Variants in CDH2 observed in about 807,000 individuals in gnomAD.
CDH2 encodes cadherin-2.
In CDH2, 17 loss-of-function variants were observed where a neutral mutation model predicts 92.0. That is an observed-to-expected ratio of 0.18 (90% CI 0.13 to 0.28). The LOEUF is 0.28. CDH2 is among the 10% of genes least tolerant of loss of function. The probability of loss-of-function intolerance (pLI) is 1.00; values close to 1 mark genes in which losing one functional copy is unlikely to be tolerated. For synonymous variants in CDH2, 419 were observed against 415.9 expected (o/e 1.01, Z -0.09); for missense variants, 862 against 1,133.1 (o/e 0.76, Z 3.44).
At chr18:28,063,426 T>C (rs2014443439) in intron 2 of CDH2, among the ~76,000 whole-genome samples, 1 of 152,198 alleles carries the variant, frequency 6.6e-6, no homozygotes, top group Admixed American at 6.5e-5. Flanking sequence ...TTTGAGGAAT[T>C]GTTCTGTGAA....
In CDH2 at chr18:28,011,833, T is replaced by C. The variant is rs1481628635; in HGVS notation, c.546+13A>G. 5.0e-6 allele frequency: 8 copies of C among 1,611,250 alleles called. No individual in the cohort carries two copies. The highest frequency in any genetic ancestry group is 1.3e-5 in the African/African-American group (1 of 74,764). On this transcript the variant is annotated intron_variant, in intron 4 of 15. Coordinates refer to ENST00000269141, the MANE Select transcript of CDH2 (RefSeq NM_001792.5). ...CTTGTGGTATGAAAACAGTTAAAATTGTGCCACCTTACCCTGACAAGCTCT... is the reference window on the plus strand; with the variant it reads ...CTTGTGGTATGAAAACAGTTAAAATCGTGCCACCTTACCCTGACAAGCTCT...
intron 2 of CDH2, among the ~76,000 whole-genome samples, chr18:28,037,322 C>T (rs1453398449): frequency 6.6e-6 from 1 of 152,130 alleles, no homozygotes; most frequent in Non-Finnish European, 1.5e-5. Context: ...GATTTTTACA[C>T]ACCATGAAAC....
At chr18:27,956,808 T>C (rs2011258233) in intron 15 of CDH2, among the ~76,000 whole-genome samples, 1 of 152,142 alleles carries the variant, frequency 6.6e-6, no homozygotes, top group African/African-American at 2.4e-5. Flanking sequence ...GAAAATTAAC[T>C]TAAAAATTGA....
intron 2 of CDH2, among the ~76,000 whole-genome samples, chr18:28,074,123 C>T (rs766405814): frequency 6.6e-5 from 10 of 152,202 alleles, no homozygotes; most frequent in Non-Finnish European, 1.2e-4. Context: ...TTAATGACAA[C>T]TTGTATTTAC....
rs1418304905 is a variant in CDH2, at chr18:27,996,538, A to T, written c.1021-2901T>A. On this transcript the variant is annotated intron_variant, in intron 7 of 15. Coordinates refer to ENST00000269141, the MANE Select transcript of CDH2 (RefSeq NM_001792.5). The stretch of plus-strand genomic sequence containing the variant: ...CGACTTCTGAAAGTTCTTGAGGAAG[A>T]GCTGTTTGTGTCCTCAGGACAGAGC... 1.3e-5 allele frequency among the ~76,000 whole-genome samples: 2 copies of T among 152,172 alleles called. 1 individual carries two copies. Among genetic ancestry groups the T allele is most frequent in the Non-Finnish European group, 2.9e-5 (2 of 68,028 alleles).
intron 1 of CDH2, among the ~76,000 whole-genome samples, chr18:28,162,223 T>C (rs1439440313): frequency 1.3e-5 from 2 of 152,142 alleles, no homozygotes; most frequent in African/African-American, 2.4e-5. Context: ...CAAAAAGAAG[T>C]TGGTCCAAAT....
intron 1 of CDH2, among the ~76,000 whole-genome samples, chr18:28,170,994 C>T (rs1183331161): frequency 3.3e-5 from 5 of 151,642 alleles, no homozygotes; most frequent in Admixed American, 3.3e-4. Context: ...TTCGGGAGGC[C>T]GAGGCAGGCG....
intron 11 of CDH2, among the ~76,000 whole-genome samples, chr18:27,988,237 G>C (rs2012296908): frequency 6.6e-6 from 1 of 152,156 alleles, no homozygotes; most frequent in Non-Finnish European, 1.5e-5. Flanking sequence ...AAAACCCAGT[G>C]TCTAGGGCCA....
Position 28,107,812 on chromosome 18 carries a change from C to A in CDH2, c.172+39861G>T, listed in dbSNP as rs1013812076. Among the ~76,000 whole-genome samples, 6 of 152,042 alleles carry A rather than the reference C, an allele frequency of 3.9e-5. No individual in the cohort carries two copies. In the East Asian group the frequency reaches 1.2e-3, roughly 29 times the overall value. The stretch of plus-strand genomic sequence containing the variant: ...TAAAAAAAAAGGAATCAGGTGAAGA[C>A]TACCAATTATCACCTTCTAGCCCCG... On this transcript the variant is annotated intron_variant, in intron 2 of 15. Transcript: ENST00000269141.
intron 2 of CDH2, among the ~76,000 whole-genome samples, chr18:28,102,521 C>T (rs186377507): frequency 6.6e-6 from 1 of 152,284 alleles, no homozygotes; most frequent in Non-Finnish European, 1.5e-5. Context: ...TTTCTTTTCA[C>T]ACTGACTATC....
intron 2 of CDH2, among the ~76,000 whole-genome samples, chr18:28,022,718 T>G (rs1298315573): frequency 6.6e-6 from 1 of 152,162 alleles, no homozygotes; most frequent in Non-Finnish European, 1.5e-5. Context: ...ATTAAGTACT[T>G]CAAAATAATG....
At chr18:28,084,212 T>C (rs577180014) in intron 2 of CDH2, among the ~76,000 whole-genome samples, 2 of 152,276 alleles carry the variant, frequency 1.3e-5, no homozygotes, top group South Asian at 2.1e-4. Flanking sequence ...ATCACTTTTA[T>C]TTTGCCTGAG....
At chr18:27,977,352 A>C (rs1421931094) in intron 14 of CDH2, among the ~76,000 whole-genome samples, 1 of 152,152 alleles carries the variant, frequency 6.6e-6, no homozygotes, top group Admixed American at 6.5e-5. Flanking sequence ...ATATCGGAGT[A>C]GTTGTTTCTT....
chr18:28,094,059 T>C (rs377202262), intron 2 of CDH2, among the ~76,000 whole-genome samples: 21 of 152,348 alleles, frequency 1.4e-4, no homozygotes, highest in East Asian at 1.2e-3. Context: ...GTGAATAAAC[T>C]TCCTCATCAC....
chr18:28,087,123 A>G (rs1327734274), intron 2 of CDH2, among the ~76,000 whole-genome samples: 1 of 152,170 alleles, frequency 6.6e-6, no homozygotes, highest in Non-Finnish European at 1.5e-5. Flanking sequence ...TCTCTTACTT[A>G]TACTTTGAAA....
chr18:28,085,203 TA>T (rs35931566), intron 2 of CDH2, among the ~76,000 whole-genome samples: 1 of 152,022 alleles, frequency 6.6e-6, no homozygotes, highest in Admixed American at 6.6e-5. Flanking sequence ...GCCATAAACT[TA>T]AAAAATGGGT....
intron 5 of CDH2, among the ~76,000 whole-genome samples, chr18:28,008,648 G>A (rs758945948): frequency 2.6e-5 from 4 of 151,906 alleles, no homozygotes; most frequent in Non-Finnish European, 5.9e-5. Context: ...TAATGTAAAT[G>A]ATGAGTTGAT....
intron 2 of CDH2, among the ~76,000 whole-genome samples, chr18:28,039,401 A>T (rs918469041): frequency 3.3e-5 from 5 of 152,026 alleles, no homozygotes; most frequent in African/African-American, 1.2e-4. Flanking sequence ...ACTGGTATTG[A>T]TATTTCACTG....
At chr18:28,028,660 G>A (rs1042645744) in intron 2 of CDH2, among the ~76,000 whole-genome samples, 1 of 152,048 alleles carries the variant, frequency 6.6e-6, no homozygotes, top group Admixed American at 6.6e-5. Context: ...AATATTTACT[G>A]CAAATTGAAC....
Sources: allele counts gnomAD v4.1 joint callset (sites outside exome capture counted in the v4.1 genomes callset), GRCh38; gene constraint gnomAD v4.1.1; transcripts MANE v1.5; gene names NCBI Gene and HGNC (gene_info 2026-07-23, HGNC 2026-07-21).